The following SYN3 variants were observed in gnomAD, a reference collection of about 807,000 sequenced individuals.
SYN3 encodes synapsin III.
In SYN3, 35 loss-of-function variants were observed where a neutral mutation model predicts 65.8. The ratio of observed to expected loss-of-function variants is 0.53; its 90% CI spans 0.41 to 0.70. SYN3 has a LOEUF of 0.70. Ranked by LOEUF, SYN3 falls within the 30% of genes least tolerant of loss-of-function variation. The pLI, the probability that SYN3 is intolerant of heterozygous loss-of-function variation, is 0.00. For missense variants in SYN3, 680 were observed against 749.0 expected (o/e 0.91, Z 1.08); for synonymous variants, 270 against 292.9 (o/e 0.92, Z 0.80).
intron 7 of SYN3, among the ~76,000 whole-genome samples, chr22:32,554,775 GAC>G (rs1447617309): frequency 1.3e-5 from 2 of 152,142 alleles, no homozygotes; most frequent in Non-Finnish European, 2.9e-5. Context: ...CCATCTGCGA[GAC>G]ACACCCTTCT....
At chr22:32,587,528 T>G (rs2059066671) in intron 7 of SYN3, among the ~76,000 whole-genome samples, 1 of 152,142 alleles carries the variant, frequency 6.6e-6, no homozygotes, top group Admixed American at 6.5e-5. Flanking sequence ...CCTTTTGATT[T>G]CTTAACTATT....
chr22:32,739,226 T>C (rs547188903), intron 6 of SYN3, among the ~76,000 whole-genome samples: 1 of 152,102 alleles, frequency 6.6e-6, no homozygotes, highest in African/African-American at 2.4e-5. Context: ...ATAAGTCTCA[T>C]GAGATCTGAT....
chr22:32,548,313 G>T (rs1028721969), intron 7 of SYN3, among the ~76,000 whole-genome samples: 3 of 152,126 alleles, frequency 2.0e-5, no homozygotes, highest in Non-Finnish European at 4.4e-5. Flanking sequence ...CCTTGGCCTG[G>T]CAAAGTGCTG....
At chr22:32,981,970 T>C (rs2052387399) in intron 2 of SYN3, among the ~76,000 whole-genome samples, 2 of 152,222 alleles carry the variant, frequency 1.3e-5, no homozygotes, top group African/African-American at 4.8e-5. Context: ...ATGTTGAATG[T>C]ATAAAAGAAT....
intron 1 of SYN3, among the ~76,000 whole-genome samples, chr22:33,035,695 C>A (rs1267874062): frequency 6.6e-6 from 1 of 152,196 alleles, no homozygotes; most frequent in Non-Finnish European, 1.5e-5. Flanking sequence ...CCTCCCACAT[C>A]AGCATCCTGA....
intron 6 of SYN3, among the ~76,000 whole-genome samples, chr22:32,761,208 G>A (rs1429308054): frequency 6.6e-6 from 1 of 152,196 alleles, no homozygotes; most frequent in Admixed American, 6.5e-5. Flanking sequence ...ACCCAGTGCC[G>A]GTTACTGTTG....
Position 32,643,919 on chromosome 22 carries a change from G to A in SYN3, c.712-47183C>T, listed in dbSNP as rs139625559. Among the ~76,000 whole-genome samples, 430 of 151,282 alleles carry A rather than the reference G, an allele frequency of 2.8e-3. 3 individuals are homozygous for A. The highest frequency in any genetic ancestry group is 9.3e-3 in the African/African-American group (385 of 41,220). On this transcript the variant is annotated intron_variant, in intron 6 of 13. Transcript: ENST00000358763. ...AGCCTGGCCAACATGAAGAAACCACGTCTCTACTAAAAATACAAAAAATTA... is the reference window on the plus strand; with the variant it reads ...AGCCTGGCCAACATGAAGAAACCACATCTCTACTAAAAATACAAAAAATTA...
chr22:32,600,354 C>G (rs528931528), intron 6 of SYN3, among the ~76,000 whole-genome samples: 9 of 150,228 alleles, frequency 6.0e-5, no homozygotes, highest in Admixed American at 3.3e-4. Flanking sequence ...CTCAGGCGGT[C>G]GTGCGAGTGA....
chr22:32,810,441 G>T (rs151326228), intron 6 of SYN3, among the ~76,000 whole-genome samples: 1 of 151,790 alleles, frequency 6.6e-6, no homozygotes, highest in Non-Finnish European at 1.5e-5. Context: ...GGGTGGGGAA[G>T]GGAAGGAAAG....
At chr22:32,980,523 G>C in intron 3 of SYN3, 122 bp downstream of exon 3, 1 of 891,184 alleles carries the variant, frequency 1.1e-6, no homozygotes, top group Non-Finnish European at 1.8e-6. Context: ...TATAAGCTTG[G>C]ACTTTTCTGG....
rs538927270 is a variant in SYN3, at chr22:32,759,198, C to A, written c.711+105717G>T. Among the ~76,000 whole-genome samples the A allele has an allele frequency of 5.3e-5, 8 of 152,294 alleles. No individual in the cohort carries two copies. The East Asian group carries it at 1.5e-3, about 29-fold the overall frequency. ...CAGCTTGCCTTTCCACTGCTGCATTCCCAGGCCTAGCCAGCACACATGAGG... is the reference window on the plus strand; with the variant it reads ...CAGCTTGCCTTTCCACTGCTGCATTACCAGGCCTAGCCAGCACACATGAGG... On this transcript the variant is annotated intron_variant, in intron 6 of 13. Transcript: ENST00000358763.
chr22:33,056,036 A>G (rs901282709), intron 1 of SYN3, among the ~76,000 whole-genome samples: 2 of 152,210 alleles, frequency 1.3e-5, no homozygotes, highest in African/African-American at 2.4e-5. Flanking sequence ...GTGGCAAAAG[A>G]ACATCAACTT....
chr22:32,716,305 G>C (rs1321210995), intron 6 of SYN3, among the ~76,000 whole-genome samples: 1 of 152,012 alleles, frequency 6.6e-6, no homozygotes, highest in East Asian at 1.9e-4. Context: ...ATGTGTGCCT[G>C]TGTGTCATTC....
At chr22:32,632,998 C>A (rs1044316995) in intron 6 of SYN3, among the ~76,000 whole-genome samples, 5 of 152,224 alleles carry the variant, frequency 3.3e-5, no homozygotes, top group Non-Finnish European at 7.3e-5. Context: ...AGCCACAACC[C>A]ATGGGTTCTC....
At chr22:32,858,324 G>A (rs923200003) in intron 6 of SYN3, among the ~76,000 whole-genome samples, 1 of 152,200 alleles carries the variant, frequency 6.6e-6, no homozygotes, top group Non-Finnish European at 1.5e-5. Context: ...CAGTGAGGAA[G>A]GCAGGGAAGG....
intron 6 of SYN3, among the ~76,000 whole-genome samples, chr22:32,607,784 G>A (rs1180221832): frequency 6.6e-6 from 1 of 152,200 alleles, no homozygotes; most frequent in Non-Finnish European, 1.5e-5. Flanking sequence ...TTGCCTGTGT[G>A]ATGTTTATAG....
chr22:33,029,410 T>A (rs1265494893), intron 1 of SYN3, among the ~76,000 whole-genome samples: 1 of 152,120 alleles, frequency 6.6e-6, no homozygotes, highest in Admixed American at 6.5e-5. Context: ...CTGGAACTCC[T>A]GGCCTCAAGA....
intron 6 of SYN3, among the ~76,000 whole-genome samples, chr22:32,823,467 G>A (rs25027): frequency 0.92 from 139,411 of 152,172 alleles, 63,919 homozygotes; most frequent in Middle Eastern, 0.95. Flanking sequence ...CCAGGATGCA[G>A]TGGGCCGTCT....
chr22:32,739,826 G>T (rs944193158), intron 6 of SYN3, among the ~76,000 whole-genome samples: 1 of 152,184 alleles, frequency 6.6e-6, no homozygotes, highest in Non-Finnish European at 1.5e-5. Flanking sequence ...GCCAACATTA[G>T]TTTGAGCCCA....
Sources: allele counts gnomAD v4.1 joint callset (sites outside exome capture counted in the v4.1 genomes callset), GRCh38; gene constraint gnomAD v4.1.1; transcripts MANE v1.5; gene names NCBI Gene and HGNC (gene_info 2026-07-23, HGNC 2026-07-21).